The following PRH1 variants were observed in gnomAD, a reference collection of about 807,000 sequenced individuals.
The protein encoded by PRH1 is salivary acidic proline-rich phosphoprotein 1/2.
A neutral mutation model predicts 7.9 loss-of-function variants in PRH1; 7 were observed. The ratio of observed to expected loss-of-function variants is 0.89; its 90% CI spans 0.50 to 1.67. The LOEUF is 1.67. PRH1 is among the 40% of genes most tolerant of loss of function. PRH1 has a pLI of 0.00. For synonymous variants in PRH1, 45 were observed against 80.8 expected, an observed-to-expected ratio of 0.56 and a Z score of 2.38; for missense variants, 109 against 223.6, an observed-to-expected ratio of 0.49 and a Z score of 3.27.
intron 1 of PRH1, among the ~76,000 whole-genome samples, chr12:11,150,273 G>A (rs1049373638): frequency 3.3e-5 from 5 of 151,798 alleles, no homozygotes; most frequent in Admixed American, 2.0e-4. Context: ...GATTCCTCAG[G>A]GATCTAGAGC....
intron 1 of PRH1, among the ~76,000 whole-genome samples, chr12:11,000,681 C>T (rs1940543156): frequency 6.6e-6 from 1 of 152,006 alleles, no homozygotes; most frequent in Admixed American, 6.6e-5. Context: ...TCCAGAAATC[C>T]AGAAGTATGT....
intron 1 of PRH1, among the ~76,000 whole-genome samples, chr12:11,066,485 A>G (rs1202037977): frequency 2.0e-5 from 3 of 151,964 alleles, no homozygotes; most frequent in East Asian, 1.9e-4. Context: ...AAAATAAGCT[A>G]TACTTAATTT....
chr12:10,959,209 G>C (rs1938117286), intron 2 of PRH1, among the ~76,000 whole-genome samples: 1 of 152,108 alleles, frequency 6.6e-6, no homozygotes, highest in Non-Finnish European at 1.5e-5. Flanking sequence ...GTGGTCATTA[G>C]CAGAAGAGGG....
At chr12:11,090,697 TTCTA>T (rs1219704634) in intron 1 of PRH1, among the ~76,000 whole-genome samples, 1 of 110,768 alleles carries the variant, frequency 9.0e-6, no homozygotes, top group African/African-American at 3.1e-5. Flanking sequence ...GTGCATTGTT[TTCTA>T]ACAATAATTC....
At chr12:11,153,119 T>C (rs544337639) in intron 1 of PRH1, among the ~76,000 whole-genome samples, 2 of 152,262 alleles carry the variant, frequency 1.3e-5, no homozygotes, top group South Asian at 2.1e-4. Context: ...CAAGTTCCTA[T>C]AGAAGACAAG....
chr12:11,008,893 T>C (rs1294069962), intron 1 of PRH1, among the ~76,000 whole-genome samples: 1 of 151,934 alleles, frequency 6.6e-6, no homozygotes, highest in Non-Finnish European at 1.5e-5. Context: ...AATTATAGGG[T>C]CCTTGATTAA....
intron 1 of PRH1, among the ~76,000 whole-genome samples, chr12:11,040,020 T>C (rs1049974979): frequency 7.9e-5 from 12 of 152,368 alleles, no homozygotes; most frequent in Middle Eastern, 3.4e-3. Flanking sequence ...TAAGTTTTTC[T>C]CTAGAGCCCA....
chr12:11,055,785 C>A (rs2597996), intron 1 of PRH1, among the ~76,000 whole-genome samples: 64 of 141,394 alleles, frequency 4.5e-4, no homozygotes, highest in Middle Eastern at 3.8e-3. Context: ...TACATAGATC[C>A]TACATCAGAT....
chr12:10,964,908 T>C, intron 2 of PRH1: 4 of 581,208 alleles, frequency 6.9e-6, no homozygotes, highest in South Asian at 6.7e-5. Flanking sequence ...CTCTCATCCA[T>C]GTTTACCACA....
At position 11,168,262 on chromosome 12, in the gene PRH1, A is replaced by G. The variant is rs1184338838; in HGVS notation, n.39+3160T>C. Among the ~76,000 whole-genome samples, 2 of 50,136 alleles carry G rather than the reference A, an allele frequency of 4.0e-5. 1 individual carries two copies. Among genetic ancestry groups the G allele is most frequent in the Non-Finnish European group, 9.7e-5 (2 of 20,610 alleles). 32.9% of individuals were successfully genotyped at this position (50,136 alleles called of 152,430 possible). A position where few individuals can be genotyped will look rare whatever the true frequency, so the allele number is the denominator to read the frequency against. ...AAAGAAAGAAAGAAAGAAAGAAAGAAAGAAAGAAAGAAAGAAAGAAAGAAA... is the reference window on the plus strand; with the variant it reads ...AAAGAAAGAAAGAAAGAAAGAAAGAGAGAAAGAAAGAAAGAAAGAAAGAAA... On this transcript the variant is annotated intron_variant and non_coding_transcript_variant, in intron 1 of 1. Coordinates refer to the PRH1 transcript ENST00000541175.
At chr12:11,042,470 A>G (rs1942744761) in intron 1 of PRH1, among the ~76,000 whole-genome samples, 1 of 148,192 alleles carries the variant, frequency 6.7e-6, no homozygotes, top group African/African-American at 2.5e-5. Flanking sequence ...ATTCTGCAAT[A>G]AAATGTCTCC....
intron 1 of PRH1, among the ~76,000 whole-genome samples, chr12:10,992,363 G>T (rs1451565700): frequency 1.3e-5 from 2 of 151,848 alleles, no homozygotes; most frequent in Admixed American, 6.6e-5. Flanking sequence ...AAGACACTGT[G>T]TTTCACAGAA....
chr12:11,123,153 C>T (rs1485528390), intron 1 of PRH1, among the ~76,000 whole-genome samples: 1 of 151,954 alleles, frequency 6.6e-6, no homozygotes, highest in Non-Finnish European at 1.5e-5. Flanking sequence ...CACATGGTTG[C>T]ATGTACATGT....
chr12:11,041,512 G>T (rs918931771), intron 1 of PRH1, among the ~76,000 whole-genome samples: 15 of 152,104 alleles, frequency 9.9e-5, no homozygotes, highest in African/African-American at 3.6e-4. Context: ...AAAGAGAAAA[G>T]CCTCAATTCA....
At chr12:11,052,380 A>T (rs1242499877) in intron 1 of PRH1, among the ~76,000 whole-genome samples, 1 of 152,256 alleles carries the variant, frequency 6.6e-6, no homozygotes, top group African/African-American at 2.4e-5. Context: ...TGTTAAAATC[A>T]GGTTGTATTT....
intron 1 of PRH1, among the ~76,000 whole-genome samples, chr12:11,130,012 A>C (rs34483979): frequency 1.3e-5 from 2 of 151,940 alleles, no homozygotes; most frequent in African/African-American, 4.8e-5. Flanking sequence ...TTAGCCAGGC[A>C]TGGTGTTGTG....
In PRH1 at chr12:10,913,510, T is replaced by C. The variant is rs145696827; in HGVS notation, c.-58-29235A>G. 4.0e-3 allele frequency among the ~76,000 whole-genome samples: 609 copies of C among 152,296 alleles called. 2 individuals are homozygous for C. The highest frequency in any genetic ancestry group is 0.014 in the African/African-American group (580 of 41,556). On this transcript the variant is annotated intron_variant, in intron 2 of 3. Transcript: ENST00000539853. Reference sequence around the variant, plus strand: ...AAATGATTACATTAGCTTATTTTTGTTAGTGTTTTATGGTGTGATTTTTCT... The same window carrying C: ...AAATGATTACATTAGCTTATTTTTGCTAGTGTTTTATGGTGTGATTTTTCT...
chr12:10,942,803 A>G (rs1950424397), intron 2 of PRH1, among the ~76,000 whole-genome samples: 1 of 151,814 alleles, frequency 6.6e-6, no homozygotes, highest in Non-Finnish European at 1.5e-5. Flanking sequence ...CCCTCTTGTC[A>G]CCCTCCCAAA....
intron 1 of PRH1, chr12:11,021,728 C>G: frequency 6.6e-7 from 1 of 1,513,218 alleles, no homozygotes; most frequent in Non-Finnish European, 9.0e-7. Context: ...TTCCTACTTC[C>G]CATAATCAGG....
Sources: gnomAD v4.1 joint callset for allele counts (sites outside exome capture counted in the v4.1 genomes callset) on GRCh38, gnomAD v4.1.1 for gene constraint, MANE v1.5 for transcripts, NCBI Gene and HGNC (gene_info 2026-07-23, HGNC 2026-07-21) for gene names.